The following PTPRD variants were observed in gnomAD, a reference collection of about 807,000 sequenced individuals.
PTPRD encodes receptor-type tyrosine-protein phosphatase delta.
PTPRD carries 34 observed loss-of-function variants against 214.5 expected under a neutral mutation model. The ratio of observed to expected loss-of-function variants is 0.16; its 90% CI spans 0.12 to 0.21. The LOEUF is 0.21. Ranked by LOEUF, PTPRD falls within the 10% of genes least tolerant of loss-of-function variation. The probability of loss-of-function intolerance (pLI) is 1.00; values close to 1 mark genes in which losing one functional copy is unlikely to be tolerated. For missense variants in PTPRD, 2,545 were observed against 2,398.7 expected, an observed-to-expected ratio of 1.06 and a Z score of -1.27; for synonymous variants, 1,128 against 845.7, an observed-to-expected ratio of 1.33 and a Z score of -5.79.
intron 2 of PTPRD, among the ~76,000 whole-genome samples, chr9:10,530,970 G>C (rs1415344444): frequency 1.3e-5 from 2 of 150,078 alleles, no homozygotes; most frequent in Non-Finnish European, 3.0e-5. Context: ...TTTTTTTTGA[G>C]ACAGATTCTT....
At chr9:9,907,442 G>T (rs2077905380) in intron 5 of PTPRD, among the ~76,000 whole-genome samples, 1 of 151,786 alleles carries the variant, frequency 6.6e-6, no homozygotes, top group Non-Finnish European at 1.5e-5. Flanking sequence ...TTCTCATGAG[G>T]CCTCCCTTTC....
intron 2 of PTPRD, among the ~76,000 whole-genome samples, chr9:10,479,328 T>C (rs969317823): frequency 4.6e-5 from 7 of 152,032 alleles, no homozygotes; most frequent in African/African-American, 1.4e-4. Context: ...TTCAGGCTTT[T>C]AAAGACCAAC....
chr9:10,531,311 T>C (rs977776444), intron 2 of PTPRD, among the ~76,000 whole-genome samples: 1 of 152,084 alleles, frequency 6.6e-6, no homozygotes, highest in African/African-American at 2.4e-5. Context: ...CTACATCATA[T>C]TACAGTCAGT....
intron 10 of PTPRD, among the ~76,000 whole-genome samples, chr9:9,148,440 G>GA (rs565047899): frequency 2.0e-5 from 3 of 151,970 alleles, no homozygotes; most frequent in East Asian, 1.9e-4. Context: ...CAGACGGAAA[G>GA]AAAAAAAATA....
At chr9:9,062,317 C>T (rs2099709018) in intron 10 of PTPRD, among the ~76,000 whole-genome samples, 1 of 152,088 alleles carries the variant, frequency 6.6e-6, no homozygotes, top group South Asian at 2.1e-4. Context: ...ACTGCATGGA[C>T]ACGACTAATT....
At chr9:10,328,041 C>T (rs28705153) in intron 3 of PTPRD, among the ~76,000 whole-genome samples, 3,421 of 151,722 alleles carry the variant, frequency 0.023, 73 homozygotes, top group South Asian at 0.09. Context: ...CTTCCTGCCC[C>T]TGTAGATGAG....
chr9:9,285,052 C>G (rs890173788), intron 9 of PTPRD, among the ~76,000 whole-genome samples: 15 of 151,708 alleles, frequency 9.9e-5, no homozygotes, highest in African/African-American at 3.6e-4. Flanking sequence ...CTAAAAATAA[C>G]ATTCCATTTC....
intron 2 of PTPRD, among the ~76,000 whole-genome samples, chr9:10,556,145 T>C (rs937156528): frequency 6.6e-5 from 10 of 152,054 alleles, no homozygotes; most frequent in African/African-American, 2.4e-4. Flanking sequence ...ACCAAAGATG[T>C]TTACTCAATA....
intron 5 of PTPRD, among the ~76,000 whole-genome samples, chr9:9,903,987 T>C (rs2076988307): frequency 6.6e-6 from 1 of 152,158 alleles, no homozygotes; most frequent in African/African-American, 2.4e-5. Flanking sequence ...TCAAAGCCCC[T>C]GCTTCACTTT....
intron 9 of PTPRD, among the ~76,000 whole-genome samples, chr9:9,230,946 C>T (rs768455982): frequency 2.6e-5 from 4 of 152,096 alleles, no homozygotes; most frequent in Admixed American, 6.6e-5. Context: ...AGTGTGCAGT[C>T]CAGAACGTGA....
intron 10 of PTPRD, among the ~76,000 whole-genome samples, chr9:9,099,329 A>C (rs576662882): frequency 7.8e-4 from 119 of 152,306 alleles, no homozygotes; most frequent in African/African-American, 2.3e-3. Flanking sequence ...TACAGAGAGA[A>C]TGTGTCTCTC....
chr9:9,749,873 T>C (rs954295325), intron 6 of PTPRD, among the ~76,000 whole-genome samples: 1 of 152,154 alleles, frequency 6.6e-6, no homozygotes, highest in Non-Finnish European at 1.5e-5. Context: ...GTTTCATAAG[T>C]TGAAGTTGGA....
At chr9:9,283,398 T>C (rs937826713) in intron 9 of PTPRD, among the ~76,000 whole-genome samples, 1 of 151,538 alleles carries the variant, frequency 6.6e-6, no homozygotes, top group African/African-American at 2.4e-5. Context: ...AAATGTCCCA[T>C]CTACAAATGA....
intron 5 of PTPRD, among the ~76,000 whole-genome samples, chr9:9,929,671 C>T (rs1313830748): frequency 6.6e-6 from 1 of 152,122 alleles, no homozygotes; most frequent in African/African-American, 2.4e-5. Flanking sequence ...AGATTACAGG[C>T]TCAAGCCACA....
At chr9:10,334,020 A>T (rs1410662698) in intron 3 of PTPRD, among the ~76,000 whole-genome samples, 1 of 151,848 alleles carries the variant, frequency 6.6e-6, no homozygotes, top group Non-Finnish European at 1.5e-5. Flanking sequence ...ATGAAATACT[A>T]AATTTCTAAA....
intron 37 of PTPRD, among the ~76,000 whole-genome samples, chr9:8,384,173 C>T (rs1412443015): frequency 6.6e-6 from 1 of 152,154 alleles, no homozygotes; most frequent in Non-Finnish European, 1.5e-5. Context: ...AAATAATATC[C>T]TTGGAGTGGA....
At chr9:10,024,594 T>C (rs1057120067) in intron 4 of PTPRD, among the ~76,000 whole-genome samples, 1 of 152,172 alleles carries the variant, frequency 6.6e-6, no homozygotes, top group African/African-American at 2.4e-5. Flanking sequence ...GTCCAAATCC[T>C]TCAAGAAATT....
chr9:9,811,492 G>A (rs1653863326), intron 5 of PTPRD, among the ~76,000 whole-genome samples: 2 of 152,264 alleles, frequency 1.3e-5, no homozygotes, highest in African/African-American at 4.8e-5. Flanking sequence ...CGGATCATGA[G>A]GTCAGGAGAT....
intron 11 of PTPRD, among the ~76,000 whole-genome samples, chr9:8,818,604 T>G (rs891633505): frequency 1.4e-4 from 22 of 152,178 alleles, no homozygotes; most frequent in Non-Finnish European, 5.9e-5. Context: ...AGCCACATAG[T>G]CAAAAAGTTA....
Sources: allele counts gnomAD v4.1 joint callset (sites outside exome capture counted in the v4.1 genomes callset), GRCh38; gene constraint gnomAD v4.1.1; transcripts MANE v1.5; gene names NCBI Gene and HGNC (gene_info 2026-07-23, HGNC 2026-07-21).